ADAM11: variants seen among roughly 807,000 people sequenced by gnomAD.
ADAM11 encodes the protein disintegrin and metalloproteinase domain-containing protein 11.
A neutral mutation model predicts 119.1 loss-of-function variants in ADAM11; 49 were observed. That is an observed-to-expected ratio of 0.41 (90% CI 0.33 to 0.52). The LOEUF is 0.52. ADAM11 is among the 20% of genes least tolerant of loss of function. The pLI is 0.20. For missense variants in ADAM11, 777 were observed against 1,047.5 expected, an observed-to-expected ratio of 0.74 and a Z score of 3.56; for synonymous variants, 364 against 408.0, an observed-to-expected ratio of 0.89 and a Z score of 1.30.
At chr17:44,759,464 G>A in intron 1 of ADAM11, 3 of 1,247,118 alleles carry the variant, frequency 2.4e-6, no homozygotes, top group African/African-American at 1.5e-5. Context: ...CCCTGCCCCT[G>A]CCGCCGACCG....
chr17:44,772,444 CGAGGCT>C lies in ADAM11; in HGVS notation c.660_665del (p.Leu221_Arg222del), dbSNP rs1567692066. 1.3e-6 allele frequency: 2 copies of C among 1,575,260 alleles called. No individual in the cohort carries two copies. Reference sequence around the variant, plus strand: ...GCCCAGTCGGCTCCTCCAAACCGGCCGAGGCTGAGAAGGAAAAGGCAGGTACGGGGG... The same window carrying C: ...GCCCAGTCGGCTCCTCCAAACCGGCCGAGAAGGAAAAGGCAGGTACGGGGG... On this transcript the variant is annotated inframe_deletion, in exon 8 of 27. Transcript: ENST00000200557. This position sits in a 1 kb window ranked among gnomAD's most constrained non-coding sequence, Gnocchi z 4.5.
chr17:44,766,599 C>T (rs372768633), intron 2 of ADAM11, among the ~76,000 whole-genome samples: 1 of 152,198 alleles, frequency 6.6e-6, no homozygotes, highest in Non-Finnish European at 1.5e-5. Context: ...TCCAGCCCCA[C>T]ACCTCCCCAG....
chr17:44,779,261 G>A, intron 26 of ADAM11, 22 bp downstream of exon 26: 1 of 1,569,554 alleles, frequency 6.4e-7, no homozygotes, highest in Non-Finnish European at 8.6e-7. Flanking sequence ...CCCAGCAGGG[G>A]GCAGTGTGAT....
Position 44,775,400 on chromosome 17 carries a change from G to C in ADAM11, c.1327G>C (p.Asp443His). Residue 443 changes from aspartate to histidine, a missense_variant, in exon 16 of 27, where the codon GAC (aspartate) becomes CAC (histidine). This residue lies in a region of ADAM11 where 348 missense variants were observed against 486.7 expected (regional missense o/e 0.72). Transcript: ENST00000200557. The surrounding 1 kb of genome is among the most constrained non-coding windows in gnomAD (Gnocchi z 7.5). Reference sequence around the variant, plus strand: ...ACCTGTCCTCCCGGTCCAGCTCCTGGACCCCCCAGAGTGCGGGAACGGCTT... The same window carrying C: ...ACCTGTCCTCCCGGTCCAGCTCCTGCACCCCCCAGAGTGCGGGAACGGCTT... ...CLFNKPLKLL[D>H]PPECGNGFVE... 6.2e-7 allele frequency: 1 copy of C among 1,612,342 alleles called. No individual in the cohort carries two copies. Among genetic ancestry groups the C allele is most frequent in the East Asian group, 2.2e-5 (1 of 44,862 alleles).
At chr17:44,778,858 G>A (rs539458544) in intron 25 of ADAM11, among the ~76,000 whole-genome samples, 17 of 152,220 alleles carry the variant, frequency 1.1e-4, no homozygotes, top group African/African-American at 3.9e-4. Context: ...GTGGAGCTGG[G>A]CAGGGGCCAC....
intron 2 of ADAM11, among the ~76,000 whole-genome samples, chr17:44,767,047 T>G (rs1028129484): frequency 6.6e-6 from 1 of 151,858 alleles, no homozygotes; most frequent in Non-Finnish European, 1.5e-5. Flanking sequence ...TCTTAAAAAA[T>G]TAATTAATTA....
At chr17:44,759,430 C>G in intron 1 of ADAM11, 170 bp downstream of exon 1, 1 of 1,249,874 alleles carries the variant, frequency 8.0e-7, no homozygotes, top group Non-Finnish European at 1.0e-6. Flanking sequence ...CCCACCTGTC[C>G]CCAGCTGGCC....
intron 2 of ADAM11, among the ~76,000 whole-genome samples, chr17:44,768,609 C>A (rs1358756033): frequency 6.6e-6 from 1 of 152,150 alleles, no homozygotes; most frequent in African/African-American, 2.4e-5. Context: ...TCAAACAGGG[C>A]AATACTCTTA....
At position 44,780,033 on chromosome 17, in the gene ADAM11, C is replaced by T; in HGVS notation, c.*279C>T. 1 of 693,280 alleles carries T rather than the reference C, an allele frequency of 1.4e-6. No individual in the cohort carries two copies. The highest frequency in any genetic ancestry group is 1.5e-5 in the South Asian group (1 of 66,740). The allele number at this position is 693,280 out of a possible 1,614,324, so 42.9% of individuals were successfully genotyped here. On this transcript the variant is annotated 3_prime_UTR_variant, in exon 27 of 27. Transcript: ENST00000200557. ...CCCCGTGTGAATGTAGCTTCCACCT[C>T]ATGGATTGCCACAGCTCAACTCGGG...
rs138953604 is a variant in ADAM11 at position 44,773,822 on chromosome 17, G to A, written c.992+395G>A. On this transcript the variant is annotated intron_variant, in intron 11 of 26. Transcript: ENST00000200557. The surrounding 1 kb of genome is among the most constrained non-coding windows in gnomAD (Gnocchi z 4.6). Reference sequence around the variant, plus strand: ...AAAAGAACCCAAGGAGGGGCCAGGCGTGGTGGCTCATGCCTGTAATCTCAG... The same window carrying A: ...AAAAGAACCCAAGGAGGGGCCAGGCATGGTGGCTCATGCCTGTAATCTCAG... Among the ~76,000 whole-genome samples the A allele has an allele frequency of 9.5e-4, 145 of 152,298 alleles. 1 individual carries two copies. The highest frequency in any genetic ancestry group is 7.2e-3 in the East Asian group (37 of 5,172).
In ADAM11 at chr17:44,759,195, G is replaced by A. The variant is rs776641756; in HGVS notation, c.-5G>A. 9.9e-5 allele frequency: 135 copies of A among 1,357,982 alleles called. No individual in the cohort carries two copies. The highest frequency in any genetic ancestry group is 4.3e-5 in the Non-Finnish European group (45 of 1,050,580). The allele number at this position is 1,357,982 out of a possible 1,614,324, so 84.1% of individuals were successfully genotyped here. A position where few individuals can be genotyped will look rare whatever the true frequency, so the allele number is the denominator to read the frequency against. On this transcript the variant is annotated 5_prime_UTR_variant, in exon 1 of 27. Coordinates refer to ENST00000200557, the MANE Select transcript of ADAM11 (RefSeq NM_002390.6). ...AGCCCCCGGACCGGGAGGAATGAGC[G>A]AGCCATGAGGCTGCTGCGGCGCTGG...
rs745593907 is a variant in ADAM11 at position 44,777,684 on chromosome 17, C to A, written c.1902-11C>A. 13 of 1,613,496 alleles carry A rather than the reference C, an allele frequency of 8.1e-6. No individual in the cohort carries two copies. The highest frequency in any genetic ancestry group is 1.7e-4 in the Middle Eastern group (1 of 6,060). On this transcript the variant is annotated splice_polypyrimidine_tract_variant and intron_variant, in intron 22 of 26. Coordinates refer to ENST00000200557, the MANE Select transcript of ADAM11 (RefSeq NM_002390.6). This position sits in a 1 kb window ranked among gnomAD's most constrained non-coding sequence, Gnocchi z 5.1. ...GACAGGGGGCTGAGGCTGGCTGTGT[C>A]ACTTCCCCAGGGGAGGCCACGTGCA...
intron 24 of ADAM11, 27 bp from the exon 25 acceptor site, chr17:44,778,125 C>G: frequency 6.2e-7 from 1 of 1,612,296 alleles, no homozygotes. Flanking sequence ...CCTGTCCTTG[C>G]CAGCTAAGCC....
In ADAM11 at chr17:44,772,593, G is replaced by A. The variant is rs2049540666; in HGVS notation, c.678+127G>A. Reference sequence around the variant, plus strand: ...GCGAAGGAAGGCTCAGATGGATGTGGCTGGGGGCCAGGGACCGTGTCTGGG... The same window carrying A: ...GCGAAGGAAGGCTCAGATGGATGTGACTGGGGGCCAGGGACCGTGTCTGGG... On this transcript the variant is annotated intron_variant, in intron 8 of 26. Transcript: ENST00000200557. The surrounding 1 kb of genome is among the most constrained non-coding windows in gnomAD (Gnocchi z 4.5). 6.3e-6 allele frequency: 8 copies of A among 1,274,374 alleles called. No individual in the cohort carries two copies. The highest frequency in any genetic ancestry group is 2.9e-5 in the South Asian group (2 of 69,648). 78.9% of individuals were successfully genotyped at this position (1,274,374 alleles called of 1,614,324 possible).
At chr17:44,771,884 T>G in intron 6 of ADAM11, 53 bp downstream of exon 6, 3 of 1,563,054 alleles carry the variant, frequency 1.9e-6, no homozygotes, top group Non-Finnish European at 2.6e-6. Context: ...GCCAAGCTTG[T>G]CCCAACAGCT....
In ADAM11 at chr17:44,773,684, T is replaced by G. The variant is rs1041849603; in HGVS notation, c.992+257T>G. Among the ~76,000 whole-genome samples, 1 of 152,138 alleles carries G rather than the reference T, an allele frequency of 6.6e-6. No individual in the cohort carries two copies. The highest frequency in any genetic ancestry group is 1.5e-5 in the Non-Finnish European group (1 of 68,034). ...TAGTTCTGTCTTTCCCCTTTCAAAC[T>G]GTCCCAGCATCCCTTCCTCAGGGAC... On this transcript the variant is annotated intron_variant, in intron 11 of 26. Coordinates refer to ENST00000200557, the MANE Select transcript of ADAM11 (RefSeq NM_002390.6). The surrounding 1 kb of genome is among the most constrained non-coding windows in gnomAD (Gnocchi z 4.6).
At chr17:44,765,248 C>G (rs1035169839) in intron 2 of ADAM11, among the ~76,000 whole-genome samples, 14 of 152,022 alleles carry the variant, frequency 9.2e-5, no homozygotes, top group African/African-American at 1.7e-4. Context: ...TTTCTCCCAG[C>G]TGGGACATAC....
At chr17:44,760,471 A>G (rs1326640451) in intron 2 of ADAM11, among the ~76,000 whole-genome samples, 2 of 152,242 alleles carry the variant, frequency 1.3e-5, no homozygotes, top group Non-Finnish European at 2.9e-5. Flanking sequence ...TGTCCCTTTC[A>G]GCTGCCAGGC....
At chr17:44,779,005 G>T (rs926894733) in intron 25 of ADAM11, among the ~76,000 whole-genome samples, 10 of 152,194 alleles carry the variant, frequency 6.6e-5, no homozygotes, top group Non-Finnish European at 1.5e-4. Flanking sequence ...AAGGTCACAT[G>T]ATTGAGTTAG....
Sources: gnomAD v4.1 joint callset for allele counts (sites outside exome capture counted in the v4.1 genomes callset) on GRCh38, gnomAD v4.1.1 for gene constraint, gnomAD v4.1.1 regional missense constraint, Gnocchi (gnomAD v3.1) non-coding constraint, MANE v1.5 for transcripts, NCBI Gene and HGNC (gene_info 2026-07-23, HGNC 2026-07-21) for gene names.